Variants in SIL1 observed in about 807,000 individuals in gnomAD.
SIL1 encodes the protein SIL1 nucleotide exchange factor.
Under a neutral mutation model 49.1 loss-of-function variants are expected in SIL1, and 40 were observed. The observed-to-expected ratio is 0.81, with a 90% CI of 0.63 to 1.06. The LOEUF (loss-of-function observed/expected upper bound fraction) is 1.06. Among genes scored for constraint, SIL1 ranks in the 50% least tolerant of loss-of-function variants. The probability of loss-of-function intolerance (pLI) is 0.00; values close to 1 mark genes in which losing one functional copy is unlikely to be tolerated. For synonymous variants in SIL1, 253 were observed against 250.8 expected, an observed-to-expected ratio of 1.01 and a Z score of -0.08; for missense variants, 500 against 572.6, an observed-to-expected ratio of 0.87 and a Z score of 1.29.
intron 7 of SIL1, among the ~76,000 whole-genome samples, chr5:139,011,243 C>T (rs547006411): frequency 2.7e-4 from 41 of 151,852 alleles, no homozygotes; most frequent in African/African-American, 8.9e-4. Context: ...CGTCCGTCAC[C>T]CCTTTCTTTG....
chr5:139,115,450 A>G (rs1209068928), intron 3 of SIL1, among the ~76,000 whole-genome samples: 3 of 152,204 alleles, frequency 2.0e-5, no homozygotes, highest in Admixed American at 6.5e-5. Flanking sequence ...CCAACCCAGG[A>G]TTAGAGGGCT....
At chr5:139,148,731 TAC>T (rs1333297089) in intron 1 of SIL1, among the ~76,000 whole-genome samples, 1 of 152,206 alleles carries the variant, frequency 6.6e-6, no homozygotes, top group East Asian at 1.9e-4. Flanking sequence ...GCCTCACTCT[TAC>T]AACAAGGGCC....
chr5:138,969,067 T>G (rs2150390763), intron 7 of SIL1, among the ~76,000 whole-genome samples: 1 of 152,266 alleles, frequency 6.6e-6, no homozygotes, highest in Middle Eastern at 3.4e-3. Context: ...TGTCTGTATT[T>G]GCTCACAAAG....
chr5:139,180,171 G>C (rs1252326020), intron 1 of SIL1, among the ~76,000 whole-genome samples: 1 of 151,494 alleles, frequency 6.6e-6, no homozygotes, highest in Admixed American at 6.6e-5. Context: ...CGAGACCCAG[G>C]AGTTCAAGAC....
At chr5:139,092,236 AG>A (rs1304972532) in intron 3 of SIL1, among the ~76,000 whole-genome samples, 2 of 152,144 alleles carry the variant, frequency 1.3e-5, no homozygotes, top group African/African-American at 4.8e-5. Context: ...TTCTCCCTCT[AG>A]GCCTCCCCTC....
chr5:139,020,797 G>A (rs1443024291), intron 7 of SIL1, among the ~76,000 whole-genome samples: 2 of 152,158 alleles, frequency 1.3e-5, no homozygotes, highest in Non-Finnish European at 2.9e-5. Context: ...GCACCCCCTT[G>A]GTCAGGCTCA....
chr5:138,987,384 T>C (rs1163792661), intron 7 of SIL1, among the ~76,000 whole-genome samples: 1 of 152,054 alleles, frequency 6.6e-6, no homozygotes, highest in Non-Finnish European at 1.5e-5. Flanking sequence ...AGTGCTGGGA[T>C]TGCATTATTA....
At chr5:139,132,913 AG>A (rs1468417742) in intron 1 of SIL1, among the ~76,000 whole-genome samples, 2 of 152,204 alleles carry the variant, frequency 1.3e-5, no homozygotes, top group Non-Finnish European at 2.9e-5. Flanking sequence ...GGCAAAAGCC[AG>A]CTGCGGTCCC....
rs1768214411 is a variant in SIL1, at chr5:139,009,918, G to C, written c.767+11253C>G. On this transcript the variant is annotated intron_variant, in intron 7 of 9. Transcript: ENST00000394817. Reference sequence around the variant, plus strand: ...ACATTTTTTCCTTCATTTCAACTTTGGTGAATCTGACAATTATGTGTCTTG... The same window carrying C: ...ACATTTTTTCCTTCATTTCAACTTTCGTGAATCTGACAATTATGTGTCTTG... Among the ~76,000 whole-genome samples, 4 of 151,084 alleles carry C rather than the reference G, an allele frequency of 2.6e-5. No individual in the cohort carries two copies. In the South Asian group the frequency reaches 8.5e-4, roughly 32 times the overall value.
In SIL1 at chr5:139,127,768, A is replaced by G. The variant is rs1276673312; in HGVS notation, c.76T>C (p.Phe26Leu). 1 of 1,611,136 alleles carries G rather than the reference A, an allele frequency of 6.2e-7. No individual in the cohort carries two copies. Among genetic ancestry groups the G allele is most frequent in the Admixed American group, 1.7e-5 (1 of 59,824 alleles). Residue 26 changes from phenylalanine to leucine, a missense_variant, in exon 2 of 10, where the codon TTC becomes CTC. Transcript: ENST00000394817. Reference sequence around the variant, plus strand: ...TTCTGATGACTGAGGCAGAAGGTGAAGCAGGCGGCCATCAGCAGCCCAAGC... The same window carrying G: ...TTCTGATGACTGAGGCAGAAGGTGAGGCAGGCGGCCATCAGCAGCCCAAGC... The part of the protein sequence containing the change: ...MLLGLLMAAC[F>L]TFCLSHQNLK...
At chr5:139,062,466 C>T (rs758807769) in intron 3 of SIL1, among the ~76,000 whole-genome samples, 9 of 152,104 alleles carry the variant, frequency 5.9e-5, no homozygotes, top group South Asian at 4.1e-4. Flanking sequence ...GCATGAAAGC[C>T]GCTCAGAAAA....
rs190666719 is a variant in SIL1 at position 139,044,307 on chromosome 5, G to A, written c.354-1588C>T. 1.3e-5 allele frequency among the ~76,000 whole-genome samples: 2 copies of A among 152,278 alleles called. 1 individual carries two copies. The highest frequency in any genetic ancestry group is 1.3e-4 in the Admixed American group (2 of 15,300). On this transcript the variant is annotated intron_variant, in intron 4 of 9. Transcript: ENST00000394817. The stretch of plus-strand genomic sequence containing the variant: ...CCCCACCCCACATACCCAAGAGGGA[G>A]CTAAGTATTCAGGAACCATAGCTTG...
At chr5:139,143,816 C>G (rs1288790077) in intron 1 of SIL1, among the ~76,000 whole-genome samples, 1 of 152,010 alleles carries the variant, frequency 6.6e-6, no homozygotes, top group African/African-American at 2.4e-5. Context: ...AAAAAGGAAA[C>G]TAAGAAAGCA....
At chr5:138,986,440 CTTGT>C (rs1416641136) in intron 7 of SIL1, among the ~76,000 whole-genome samples, 1 of 152,324 alleles carries the variant, frequency 6.6e-6, no homozygotes, top group South Asian at 2.1e-4. Flanking sequence ...TAGTTCTAAT[CTTGT>C]TTGTTTCCAT....
At chr5:139,175,860 G>T (rs1751870789) in intron 1 of SIL1, among the ~76,000 whole-genome samples, 1 of 152,210 alleles carries the variant, frequency 6.6e-6, no homozygotes, top group Admixed American at 6.5e-5. Context: ...CTACTCAGGA[G>T]GCTGAGGCAT....
chr5:139,063,215 A>G (rs565949572), intron 3 of SIL1, among the ~76,000 whole-genome samples: 1 of 152,338 alleles, frequency 6.6e-6, no homozygotes, highest in East Asian at 1.9e-4. Flanking sequence ...AAAAACTAGG[A>G]ATCTTGTTGT....
intron 1 of SIL1, among the ~76,000 whole-genome samples, chr5:139,182,501 A>G (rs1752008789): frequency 6.6e-6 from 1 of 152,324 alleles, no homozygotes. Context: ...GACAAGAGCT[A>G]GAATCTAACT....
At chr5:138,964,741 G>C (rs558554391) in intron 7 of SIL1, among the ~76,000 whole-genome samples, 1 of 152,344 alleles carries the variant, frequency 6.6e-6, no homozygotes, top group African/African-American at 2.4e-5. Context: ...CAAAAGGCTT[G>C]ACGATTTAGT....
At chr5:139,175,295 T>TG (rs1437326243) in intron 1 of SIL1, among the ~76,000 whole-genome samples, 3 of 152,256 alleles carry the variant, frequency 2.0e-5, no homozygotes, top group Non-Finnish European at 4.4e-5. Context: ...CACTCCAGCC[T>TG]GGGCAACAAG....
Sources: gnomAD v4.1 joint callset for allele counts (sites outside exome capture counted in the v4.1 genomes callset) on GRCh38, gnomAD v4.1.1 for gene constraint, MANE v1.5 for transcripts, NCBI Gene and HGNC (gene_info 2026-07-23, HGNC 2026-07-21) for gene names.